Variants in TIMM44 observed in about 807,000 individuals in gnomAD.
TIMM44 encodes mitochondrial import inner membrane translocase subunit TIM44.
TIMM44 carries 37 observed loss-of-function variants against 63.8 expected under a neutral mutation model. The observed-to-expected ratio is 0.58, with a 90% CI of 0.45 to 0.76. TIMM44 has a LOEUF of 0.76. Ranked by LOEUF, TIMM44 falls within the 30% of genes least tolerant of loss-of-function variation. The pLI is 0.00. For synonymous variants in TIMM44, 239 were observed against 245.1 expected, an observed-to-expected ratio of 0.98 and a Z score of 0.23; for missense variants, 573 against 603.8, an observed-to-expected ratio of 0.95 and a Z score of 0.54.
intron 1 of TIMM44, among the ~76,000 whole-genome samples, chr19:7,942,791 G>A (rs1433748035): frequency 6.6e-6 from 1 of 151,098 alleles, no homozygotes; most frequent in African/African-American, 2.4e-5. Flanking sequence ...CTCCCAAGTA[G>A]TTGGGATTAC....
chr19:7,932,290 C>T (rs747941258), intron 9 of TIMM44: 4 of 376,048 alleles, frequency 1.1e-5, no homozygotes, highest in Non-Finnish European at 2.0e-5. Context: ...GACAGACGCC[C>T]ACTTCTCCCA....
chr19:7,933,638 C>T lies in TIMM44; in HGVS notation c.684-68G>A. ...GCCACCCTGTGCCCTCCTGCGGCTG[C>T]AGGCAGGGGGCAGTACAGGACAGCA... is the stretch of plus-strand genomic sequence containing the variant. On this transcript the variant is annotated intron_variant, in intron 6 of 12. Transcript: ENST00000270538. This position sits in a 1 kb window ranked among gnomAD's most constrained non-coding sequence, Gnocchi z 4.3. The T allele has an allele frequency of 1.4e-6, 2 of 1,448,310 alleles. No individual in the cohort carries two copies. The highest frequency in any genetic ancestry group is 1.1e-5 in the South Asian group (1 of 87,584). 89.7% of individuals were successfully genotyped at this position (1,448,310 alleles called of 1,614,324 possible).
Position 7,927,038 on chromosome 19 carries a change from C to T in TIMM44, c.*149G>A, listed in dbSNP as rs547809473. 6.4e-4 allele frequency: 780 copies of T among 1,215,942 alleles called. 1 individual carries two copies. The highest frequency in any genetic ancestry group is 8.2e-4 in the Non-Finnish European group (709 of 866,988). 75.3% of individuals were successfully genotyped at this position (1,215,942 alleles called of 1,614,324 possible). On this transcript the variant is annotated 3_prime_UTR_variant, in exon 13 of 13. Coordinates refer to ENST00000270538, the MANE Select transcript of TIMM44 (RefSeq NM_006351.4). The stretch of plus-strand genomic sequence containing the variant: ...ACCCGCAACAGCCCGTTGTCCCCTC[C>T]CGGGCCAGCTGGTCTTGCAGCCGTC...
Position 7,934,368 on chromosome 19 carries a change from G to A in TIMM44, c.394-130C>T. 1 of 1,259,176 alleles carries A rather than the reference G, an allele frequency of 7.9e-7. No individual in the cohort carries two copies. The highest frequency in any genetic ancestry group is 2.4e-4 in the Middle Eastern group (1 of 4,110). 78.0% of individuals were successfully genotyped at this position (1,259,176 alleles called of 1,614,324 possible). ...CCCGAGGCCGGCAGAGGCCTTCTGTGCTCCTGTGGTACGCGGCACCCCCAG... is the reference window on the plus strand; with the variant it reads ...CCCGAGGCCGGCAGAGGCCTTCTGTACTCCTGTGGTACGCGGCACCCCCAG... On this transcript the variant is annotated intron_variant, in intron 4 of 12. Transcript: ENST00000270538. This position sits in a 1 kb window ranked among gnomAD's most constrained non-coding sequence, Gnocchi z 5.3.
chr19:7,933,966 A>G lies in TIMM44; in HGVS notation c.581T>C (p.Val194Ala). 1 of 1,614,040 alleles carries G rather than the reference A, an allele frequency of 6.2e-7. No individual in the cohort carries two copies. The part of the protein sequence containing the change: ...ESVKKEIDDS[V>A]LGQTGPYRRP... ...CCGGTAGGGCCCGGTCTGTCCCAGG[A>G]CGCTGTCGTCAATTTCCTTCTTCAC... Residue 194 changes from valine to alanine, a missense_variant, in exon 6 of 13, where the codon GTC becomes GCC. Physicochemically the swap from Val to Ala is moderately conservative, Grantham distance 64. Transcript: ENST00000270538. This position sits in a 1 kb window ranked among gnomAD's most constrained non-coding sequence, Gnocchi z 4.3.
In TIMM44 at chr19:7,938,072, T is replaced by A; in HGVS notation, c.267A>T (p.Arg89Ser). The A allele has an allele frequency of 6.2e-7, 1 of 1,614,162 alleles. No individual in the cohort carries two copies. Among genetic ancestry groups the A allele is most frequent in the African/African-American group, 1.3e-5 (1 of 75,048 alleles). ...ESIKKFRDEA[R>S]RLEESDVLQE... ...GGAGCACGTCTGATTCTTCTAGCCT[T>A]CTGGCCTCGTCACGGAATTTTTTTA... The change falls in exon 3 of 13, where the codon AGA becomes AGT. Residue 89 changes from arginine (R) to serine (S), a missense_variant. Transcript: ENST00000270538.
chr19:7,934,178 C>A lies in TIMM44; in HGVS notation c.454G>T (p.Ala152Ser). 1 of 1,613,624 alleles carries A rather than the reference C, an allele frequency of 6.2e-7. No individual in the cohort carries two copies. Among genetic ancestry groups the A allele is most frequent in the Non-Finnish European group, 8.5e-7 (1 of 1,180,000 alleles). The change falls in exon 5 of 13, where the codon GCA becomes TCA. Residue 152 changes from alanine to serine, a missense_variant. By Grantham distance (99) the Ala-to-Ser change is moderately conservative. Coordinates refer to ENST00000270538, the MANE Select transcript of TIMM44 (RefSeq NM_006351.4). This position sits in a 1 kb window ranked among gnomAD's most constrained non-coding sequence, Gnocchi z 5.3. ...GRKIKEGVEE[A>S]AKTAKQSAES... is the part of the protein sequence containing the mutation. ...GCCGACTGCTTGGCCGTCTTGGCTG[C>A]TTCCTCCACGCCCTCCTTGATTTTC...
intron 9 of TIMM44, chr19:7,932,384 G>A (rs1330723670): frequency 1.0e-5 from 6 of 574,200 alleles, no homozygotes; most frequent in African/African-American, 5.6e-5. Context: ...AACAGCCTCA[G>A]GCAGGAGGAG....
Position 7,934,477 on chromosome 19 carries a change from TGAGCACACC to T in TIMM44, c.394-248_394-240del, listed in dbSNP as rs1984085971. ...GAGCACACCGGCACCCCCAGAGCCA[TGAGCACACC>T]GGCACCCCCAGAGCCATGAGCACAC... On this transcript the variant is annotated intron_variant, in intron 4 of 12. Coordinates refer to ENST00000270538, the MANE Select transcript of TIMM44 (RefSeq NM_006351.4). This position sits in a 1 kb window ranked among gnomAD's most constrained non-coding sequence, Gnocchi z 5.3. Among the ~76,000 whole-genome samples the T allele has an allele frequency of 7.7e-6, 1 of 130,672 alleles. No homozygotes were observed. Among genetic ancestry groups the T allele is most frequent in the Non-Finnish European group, 1.7e-5 (1 of 57,554 alleles). 85.7% of individuals were successfully genotyped at this position (130,672 alleles called of 152,430 possible).
Position 7,926,774 on chromosome 19 carries a change from T to G in TIMM44, c.*413A>C. On this transcript the variant is annotated 3_prime_UTR_variant, in exon 13 of 13. Transcript: ENST00000270538. ...CCAAATCTCAGGCTTATGCACAAGA[T>G]GGAAGAGCACTGTTAAAATTAAAAA... is the stretch of plus-strand genomic sequence containing the variant. 1 of 278,524 alleles carries G rather than the reference T, an allele frequency of 3.6e-6. No homozygotes were observed. The highest frequency in any genetic ancestry group is 7.2e-6 in the Non-Finnish European group (1 of 139,778). The allele number at this position is 278,524 out of a possible 1,614,324, so 17.3% of individuals were successfully genotyped here. A position where few individuals can be genotyped will look rare whatever the true frequency, so the allele number is the denominator to read the frequency against.
chr19:7,943,589 C>T lies in TIMM44; in HGVS notation c.45+18G>A, dbSNP rs746595198. ...AAGACCCCTAAGCTCGCCCTGCCAG[C>T]GCCGCACCGCCGCTCACCCGTGGAC... On this transcript the variant is annotated intron_variant, in intron 1 of 12. Transcript: ENST00000270538. This position sits in a 1 kb window ranked among gnomAD's most constrained non-coding sequence, Gnocchi z 4.3. 6.4e-7 allele frequency: 1 copy of T among 1,562,372 alleles called. No homozygotes were observed. Among genetic ancestry groups the T allele is most frequent in the South Asian group, 1.2e-5 (1 of 86,234 alleles).
Position 7,943,111 on chromosome 19 carries a change from G to C in TIMM44, c.45+496C>G, listed in dbSNP as rs1013651494. Among the ~76,000 whole-genome samples, 8 of 151,724 alleles carry C rather than the reference G, an allele frequency of 5.3e-5. No individual in the cohort carries two copies. The highest frequency in any genetic ancestry group is 1.2e-4 in the Non-Finnish European group (8 of 67,962). The stretch of plus-strand genomic sequence containing the variant: ...CAATATGAAGTACTACTTTCTGAGT[G>C]CGCCTTACACGTCTTGACTGCCACT... On this transcript the variant is annotated intron_variant, in intron 1 of 12. Coordinates refer to ENST00000270538, the MANE Select transcript of TIMM44 (RefSeq NM_006351.4). The surrounding 1 kb of genome is among the most constrained non-coding windows in gnomAD (Gnocchi z 4.3).
intron 3 of TIMM44, among the ~76,000 whole-genome samples, chr19:7,937,632 C>G (rs1036930069): frequency 1.3e-5 from 2 of 152,238 alleles, no homozygotes; most frequent in Non-Finnish European, 2.9e-5. Flanking sequence ...ACGAGCCACC[C>G]TGCCCCCAAC....
intron 10 of TIMM44, 85 bp downstream of exon 10, chr19:7,931,053 C>A: frequency 3.7e-6 from 5 of 1,344,476 alleles, no homozygotes; most frequent in Admixed American, 2.0e-5. Context: ...GGGAGCTACC[C>A]CAACGGAGCC....
chr19:7,937,921 G>A (rs550778684), intron 3 of TIMM44, 106 bp downstream of exon 3: 12 of 1,385,144 alleles, frequency 8.7e-6, no homozygotes, highest in Non-Finnish European at 1.2e-5. Flanking sequence ...AGGAGGCTGA[G>A]GCAGGGGAAT....
chr19:7,933,107 C>T lies in TIMM44; in HGVS notation c.770-175G>A, dbSNP rs1984035308. 6.6e-6 allele frequency among the ~76,000 whole-genome samples: 1 copy of T among 152,148 alleles called. No individual in the cohort carries two copies. Among genetic ancestry groups the T allele is most frequent in the African/African-American group, 2.4e-5 (1 of 41,442 alleles). ...ATCTGTGCTTGGGGACCGCTGCCTG[C>T]CCACCTACCTGGCCAGGCGCAGAGG... On this transcript the variant is annotated intron_variant, in intron 7 of 12. Transcript: ENST00000270538. This position sits in a 1 kb window ranked among gnomAD's most constrained non-coding sequence, Gnocchi z 4.3.
Position 7,927,784 on chromosome 19 carries a change from AG to A in TIMM44, c.1129-18del. On this transcript the variant is annotated intron_variant, in intron 11 of 12. Transcript: ENST00000270538. ...CATGGCCAGCTGCAGAGGGGCCGAG[AG>A]GGGGGATGTGCCTCAGAGGACAGCC... is the stretch of plus-strand genomic sequence containing the variant. 1 of 1,606,436 alleles carries A rather than the reference AG, an allele frequency of 6.2e-7. No individual in the cohort carries two copies.
At position 7,933,380 on chromosome 19, in the gene TIMM44, C is replaced by T. The variant is rs1984042950; in HGVS notation, c.769+105G>A. 8 of 1,020,548 alleles carry T rather than the reference C, an allele frequency of 7.8e-6. No homozygotes were observed. Among genetic ancestry groups the T allele is most frequent in the South Asian group, 7.6e-5 (6 of 78,902 alleles). 63.2% of individuals were successfully genotyped at this position (1,020,548 alleles called of 1,614,324 possible). A position where few individuals can be genotyped will look rare whatever the true frequency, so the allele number is the denominator to read the frequency against. Reference sequence around the variant, plus strand: ...CGGCCCACTCTGACCCCGATCTCCTCCTCTGCAAAACGGGGCTGTCTTGTG... The same window carrying T: ...CGGCCCACTCTGACCCCGATCTCCTTCTCTGCAAAACGGGGCTGTCTTGTG... On this transcript the variant is annotated intron_variant, in intron 7 of 12. Coordinates refer to ENST00000270538, the MANE Select transcript of TIMM44 (RefSeq NM_006351.4). The surrounding 1 kb of genome is among the most constrained non-coding windows in gnomAD (Gnocchi z 4.3).
At position 7,927,119 on chromosome 19, in the gene TIMM44, G is replaced by A. The variant is rs1983829642; in HGVS notation, c.*68C>T. 1.5e-5 allele frequency: 23 copies of A among 1,546,780 alleles called. 1 individual carries two copies. The South Asian group carries it at 1.6e-4, about 11-fold the overall frequency. On this transcript the variant is annotated 3_prime_UTR_variant, in exon 13 of 13. Coordinates refer to ENST00000270538, the MANE Select transcript of TIMM44 (RefSeq NM_006351.4). Reference sequence around the variant, plus strand: ...TTGTTCCCAGAGGTCTGGAGTTGCCGCAGGTGGTGTTGCGGTGCCTCTGTG... The same window carrying A: ...TTGTTCCCAGAGGTCTGGAGTTGCCACAGGTGGTGTTGCGGTGCCTCTGTG...
Sources: gnomAD v4.1 joint callset for allele counts (sites outside exome capture counted in the v4.1 genomes callset) on GRCh38, gnomAD v4.1.1 for gene constraint, Gnocchi (gnomAD v3.1) non-coding constraint, MANE v1.5 for transcripts, NCBI Gene and HGNC (gene_info 2026-07-23, HGNC 2026-07-21) for gene names.